NLGN1: variants seen among roughly 807,000 people sequenced by gnomAD.
The protein encoded by NLGN1 is neuroligin 1, also known as neuroligin-1.
In NLGN1, 12 loss-of-function variants were observed where a neutral mutation model predicts 65.5. The ratio of observed to expected loss-of-function variants is 0.18; its 90% CI spans 0.12 to 0.30. The LOEUF is 0.30. Among genes scored for constraint, NLGN1 ranks in the 10% least tolerant of loss-of-function variants. The pLI is 1.00. For synonymous variants in NLGN1, 350 were observed against 359.5 expected (o/e 0.97, Z 0.30); for missense variants, 750 against 1,007.1 (o/e 0.74, Z 3.46).
At chr3:173,512,661 G>A (rs1049567783) in intron 2 of NLGN1, among the ~76,000 whole-genome samples, 1 of 152,164 alleles carries the variant, frequency 6.6e-6, no homozygotes, top group African/African-American at 2.4e-5. Flanking sequence ...GGACACACAG[G>A]GATGGAAGTT....
At chr3:173,858,087 C>G (rs1256373773) in intron 4 of NLGN1, among the ~76,000 whole-genome samples, 1 of 151,884 alleles carries the variant, frequency 6.6e-6, no homozygotes, top group African/African-American at 2.4e-5. Flanking sequence ...AACCATTTCT[C>G]TTCGTAGGAA....
At chr3:173,450,890 C>T (rs1183489276) in intron 2 of NLGN1, among the ~76,000 whole-genome samples, 1 of 152,154 alleles carries the variant, frequency 6.6e-6, no homozygotes, top group Non-Finnish European at 1.5e-5. Flanking sequence ...ACGTAGTTCT[C>T]ATGCCATGGT....
intron 2 of NLGN1, among the ~76,000 whole-genome samples, chr3:173,463,886 A>G (rs1723816208): frequency 6.6e-6 from 1 of 152,086 alleles, no homozygotes; most frequent in Non-Finnish European, 1.5e-5. Flanking sequence ...AAACATTTAT[A>G]TTAATATATA....
intron 4 of NLGN1, among the ~76,000 whole-genome samples, chr3:174,179,778 C>T (rs372684272): frequency 2.0e-5 from 3 of 152,066 alleles, no homozygotes; most frequent in Non-Finnish European, 4.4e-5. Context: ...TCAGCTTTCT[C>T]ACAAGGCCCT....
intron 4 of NLGN1, among the ~76,000 whole-genome samples, chr3:173,820,329 T>C (rs370739203): frequency 7.0e-6 from 1 of 142,330 alleles, no homozygotes; most frequent in Non-Finnish European, 1.6e-5. Context: ...AAATTGAAAA[T>C]AGCTATTTCT....
intron 3 of NLGN1, among the ~76,000 whole-genome samples, chr3:173,653,497 C>T (rs1759528614): frequency 6.6e-6 from 1 of 152,140 alleles, no homozygotes; most frequent in Non-Finnish European, 1.5e-5. Flanking sequence ...TTGAGATGAT[C>T]ATATGCTTTC....
At chr3:174,271,053 A>G (rs1749303517) in intron 4 of NLGN1, among the ~76,000 whole-genome samples, 2 of 151,806 alleles carry the variant, frequency 1.3e-5, no homozygotes, top group South Asian at 2.1e-4. Flanking sequence ...AACCACAGTC[A>G]TCTGTATCCA....
At chr3:173,662,380 C>T (rs553402544) in intron 3 of NLGN1, among the ~76,000 whole-genome samples, 5 of 152,018 alleles carry the variant, frequency 3.3e-5, no homozygotes, top group African/African-American at 1.2e-4. Flanking sequence ...GTTTTCTCAC[C>T]TAAGAAATGA....
chr3:173,483,840 A>G (rs1173852673), intron 2 of NLGN1, among the ~76,000 whole-genome samples: 1 of 152,124 alleles, frequency 6.6e-6, no homozygotes, highest in Non-Finnish European at 1.5e-5. Context: ...CTCCTCTACT[A>G]CTATCACTGT....
intron 2 of NLGN1, among the ~76,000 whole-genome samples, chr3:173,543,212 T>C (rs960858595): frequency 4.6e-5 from 7 of 152,156 alleles, no homozygotes; most frequent in African/African-American, 1.7e-4. Flanking sequence ...GAAATGTTGC[T>C]TTTATAGCTT....
intron 2 of NLGN1, among the ~76,000 whole-genome samples, chr3:173,542,126 G>A (rs1008508824): frequency 4.0e-5 from 6 of 151,390 alleles, no homozygotes; most frequent in African/African-American, 1.2e-4. Flanking sequence ...TAATATAATT[G>A]GTTTATTTTA....
chr3:174,275,409 C>A (rs761909514), exon 5 of NLGN1: 1 of 1,612,494 alleles, frequency 6.2e-7, no homozygotes, highest in East Asian at 2.2e-5. Flanking sequence ...ACATTGGATT[C>A]TTTGGTGGTG....
intron 2 of NLGN1, 75 bp from the exon 2 acceptor site, chr3:173,604,204 G>C (rs1751008831): frequency 5.8e-6 from 1 of 172,344 alleles, no homozygotes; most frequent in Non-Finnish European, 1.2e-5. Flanking sequence ...TATTTCTGTA[G>C]ATTGTAAAAC....
chr3:173,790,011 A>G (rs993983341), intron 3 of NLGN1: 3 of 386,368 alleles, frequency 7.8e-6, no homozygotes, highest in South Asian at 3.8e-5. Context: ...TTCTTTCCTC[A>G]TACCATAGGA....
chr3:174,066,441 G>C (rs944529414), intron 4 of NLGN1, among the ~76,000 whole-genome samples: 1 of 148,934 alleles, frequency 6.7e-6, no homozygotes. Flanking sequence ...TACAAAAGTT[G>C]ATTCTCTTTC....
chr3:173,734,381 ATTTTTTTTTTT>A (rs71162356), intron 3 of NLGN1, among the ~76,000 whole-genome samples: 4 of 40,080 alleles, frequency 1.0e-4, no homozygotes, highest in East Asian at 1.0e-3. Context: ...GGATAATTCT[ATTTTTTTTTTT>A]TTTTTTTTTT....
Position 173,930,936 on chromosome 3 carries a change from A to G in NLGN1, c.646+123104A>G, listed in dbSNP as rs1743972479. 2.0e-5 allele frequency among the ~76,000 whole-genome samples: 3 copies of G among 152,198 alleles called. No homozygotes were observed. In the South Asian group the frequency reaches 6.2e-4, roughly 31 times the overall value. ...TTCTTACCTATAAAGAGAAAATAGT[A>G]CTACCTCCTCACTCACAGTCTTTTT... On this transcript the variant is annotated intron_variant, in intron 4 of 6. Transcript: ENST00000457714.
At chr3:173,720,372 G>A (rs1341934786) in intron 3 of NLGN1, among the ~76,000 whole-genome samples, 1 of 152,152 alleles carries the variant, frequency 6.6e-6, no homozygotes, top group African/African-American at 2.4e-5. Flanking sequence ...TGACCGGAAG[G>A]TCAGTTATTT....
chr3:173,654,651 G>A (rs867390126), intron 3 of NLGN1, among the ~76,000 whole-genome samples: 13 of 152,102 alleles, frequency 8.5e-5, no homozygotes, highest in African/African-American at 2.4e-4. Context: ...CTCTCCTACC[G>A]TCCAAAAGCT....
Sources: allele counts gnomAD v4.1 joint callset (sites outside exome capture counted in the v4.1 genomes callset), GRCh38; gene constraint gnomAD v4.1.1; transcripts MANE v1.5; gene names NCBI Gene and HGNC (gene_info 2026-07-23, HGNC 2026-07-21).